The following SIPA1L3 variants were observed in gnomAD, a reference collection of about 807,000 sequenced individuals.
SIPA1L3 encodes signal induced proliferation associated 1 like 3.
In SIPA1L3, 59 loss-of-function variants were observed where a neutral mutation model predicts 150.1. The ratio of observed to expected loss-of-function variants is 0.39; its 90% CI spans 0.32 to 0.49. The LOEUF (loss-of-function observed/expected upper bound fraction) is 0.49. Among genes scored for constraint, SIPA1L3 ranks in the 20% least tolerant of loss-of-function variants. SIPA1L3 has a pLI of 0.86. For missense variants in SIPA1L3, 2,211 were observed against 2,489.5 expected, an observed-to-expected ratio of 0.89 and a Z score of 2.38; for synonymous variants, 1,070 against 1,077.6, an observed-to-expected ratio of 0.99 and a Z score of 0.14.
At chr19:38,110,819 GA>G (rs1020808304) in intron 8 of SIPA1L3, among the ~76,000 whole-genome samples, 3 of 152,036 alleles carry the variant, frequency 2.0e-5, no homozygotes, top group Non-Finnish European at 2.9e-5. Flanking sequence ...AGTTGCATCA[GA>G]AGCCCCAGAA....
At chr19:37,926,762 G>A (rs2046507346) in intron 1 of SIPA1L3, among the ~76,000 whole-genome samples, 1 of 152,178 alleles carries the variant, frequency 6.6e-6, no homozygotes, top group Admixed American at 6.5e-5. Context: ...CAGTCGGGAA[G>A]TTGTGTCAGT....
intron 6 of SIPA1L3, among the ~76,000 whole-genome samples, chr19:38,102,480 A>C (rs1296262877): frequency 6.6e-6 from 1 of 151,842 alleles, no homozygotes; most frequent in Non-Finnish European, 1.5e-5. Flanking sequence ...AAAAAGGTCC[A>C]GCAGGATGAC....
chr19:38,150,737 TG>T (rs1394046586), intron 12 of SIPA1L3, among the ~76,000 whole-genome samples: 1 of 151,648 alleles, frequency 6.6e-6, no homozygotes, highest in African/African-American at 2.4e-5. Context: ...GATGGGGTTT[TG>T]CCATGTTGGC....
At chr19:38,083,374 C>T (rs1464469613) in intron 3 of SIPA1L3, among the ~76,000 whole-genome samples, 1 of 152,228 alleles carries the variant, frequency 6.6e-6, no homozygotes, top group African/African-American at 2.4e-5. Flanking sequence ...CAGCTCAGTG[C>T]CAGGCACTCT....
intron 2 of SIPA1L3, among the ~76,000 whole-genome samples, chr19:38,058,888 G>A (rs1381351579): frequency 1.3e-5 from 2 of 152,096 alleles, no homozygotes; most frequent in Non-Finnish European, 2.9e-5. Flanking sequence ...GCCAGGCGTG[G>A]TGGTGCATGC....
intron 1 of SIPA1L3, among the ~76,000 whole-genome samples, chr19:37,960,856 T>C (rs62108376): frequency 6.6e-6 from 1 of 150,822 alleles, no homozygotes; most frequent in Admixed American, 6.6e-5. Flanking sequence ...ACCCAGCCAA[T>C]TTTAAAAAAA....
At chr19:38,183,964 G>T in intron 16 of SIPA1L3, among the ~76,000 whole-genome samples, 1 of 152,204 alleles carries the variant, frequency 6.6e-6, no homozygotes, top group East Asian at 1.9e-4. Flanking sequence ...GAATTGAGGA[G>T]CTGCGTGAGC....
chr19:38,088,804 G>C lies in SIPA1L3; in HGVS notation c.1618G>C (p.Glu540Gln), dbSNP rs763573586. 2 of 1,614,090 alleles carry C rather than the reference G, an allele frequency of 1.2e-6. No homozygotes were observed. Among genetic ancestry groups the C allele is most frequent in the South Asian group, 2.2e-5 (2 of 91,068 alleles). The part of the protein sequence containing the change: ...IKREKLEDHK[E>Q]HGPQYQYRII... ...GCGGGAGAAGCTGGAAGACCACAAG[G>C]AGCACGGACCTCAGTACCAGTACAG... Residue 540 changes from glutamate to glutamine, a missense_variant, in exon 4 of 22, where the codon GAG becomes CAG. Glu to Gln is a conservative substitution (Grantham distance 29). Around this residue, in one of 5 missense-constraint regions of SIPA1L3, gnomAD observed 625 missense variants for 804.2 expected, o/e 0.78. Coordinates refer to ENST00000222345, the MANE Select transcript of SIPA1L3 (RefSeq NM_015073.3).
At chr19:37,939,498 C>G (rs145988415) in intron 1 of SIPA1L3, among the ~76,000 whole-genome samples, 1 of 151,832 alleles carries the variant, frequency 6.6e-6, no homozygotes, top group Non-Finnish European at 1.5e-5. Context: ...TTCTCTCTCA[C>G]GTAAAGGAGC....
chr19:37,966,828 C>T (rs897169273), intron 1 of SIPA1L3, among the ~76,000 whole-genome samples: 5 of 152,078 alleles, frequency 3.3e-5, no homozygotes, highest in African/African-American at 7.2e-5. Flanking sequence ...TGCGTGGAGG[C>T]GTGGGGGTGG....
chr19:37,974,367 G>A (rs931275009), intron 1 of SIPA1L3, among the ~76,000 whole-genome samples: 2 of 152,000 alleles, frequency 1.3e-5, no homozygotes, highest in African/African-American at 4.8e-5. Context: ...AAAAAAATTA[G>A]CCAGGTACAG....
intron 1 of SIPA1L3, among the ~76,000 whole-genome samples, chr19:38,026,690 C>T (rs571250922): frequency 1.3e-5 from 2 of 152,128 alleles, no homozygotes; most frequent in Non-Finnish European, 2.9e-5. Context: ...TTTCGGGTCT[C>T]GTTGAGGGGT....
At chr19:38,107,910 G>C (rs1188890707) in intron 7 of SIPA1L3, among the ~76,000 whole-genome samples, 1 of 152,054 alleles carries the variant, frequency 6.6e-6, no homozygotes. Context: ...CCAAGAGGCA[G>C]TGGTTGCAGT....
At chr19:38,024,883 A>G (rs985668243) in intron 1 of SIPA1L3, among the ~76,000 whole-genome samples, 1 of 152,148 alleles carries the variant, frequency 6.6e-6, no homozygotes. Context: ...TAAACTGCAA[A>G]GGGAAGTTAA....
At chr19:37,944,648 G>A (rs1200852466) in intron 1 of SIPA1L3, among the ~76,000 whole-genome samples, 6 of 152,148 alleles carry the variant, frequency 3.9e-5, no homozygotes, top group Non-Finnish European at 1.5e-5. Flanking sequence ...TGATGCACCT[G>A]TTATACGCTG....
intron 1 of SIPA1L3, among the ~76,000 whole-genome samples, chr19:37,977,660 TG>T (rs34619568): frequency 0.27 from 41,725 of 151,742 alleles, 6,841 homozygotes; most frequent in East Asian, 0.61. Context: ...CACCAGAAGT[TG>T]GGGCAGAGAC....
chr19:38,151,961 CAAAAAAAA>C (rs35851181), intron 12 of SIPA1L3, among the ~76,000 whole-genome samples: 69 of 86,136 alleles, frequency 8.0e-4, no homozygotes, highest in Middle Eastern at 0.014. Context: ...GACCCCATCT[CAAAAAAAA>C]AAAAAAAAAA....
At chr19:37,959,849 G>T in intron 1 of SIPA1L3, among the ~76,000 whole-genome samples, 1 of 148,600 alleles carries the variant, frequency 6.7e-6, no homozygotes, top group Non-Finnish European at 1.5e-5. Context: ...GGTCTCTAGG[G>T]ATCACAGCAT....
At chr19:37,910,530 G>GAA (rs571813302) in intron 1 of SIPA1L3, among the ~76,000 whole-genome samples, 17 of 103,994 alleles carry the variant, frequency 1.6e-4, no homozygotes, top group East Asian at 2.8e-4. Context: ...CCCTGTCTCA[G>GAA]AAAAAAAAAA....
Sources: gnomAD v4.1 joint callset for allele counts (sites outside exome capture counted in the v4.1 genomes callset) on GRCh38, gnomAD v4.1.1 for gene constraint, gnomAD v4.1.1 regional missense constraint, MANE v1.5 for transcripts, NCBI Gene and HGNC (gene_info 2026-07-23, HGNC 2026-07-21) for gene names.